TBC1D9B: variants seen among roughly 807,000 people sequenced by gnomAD.
The protein encoded by TBC1D9B is TBC1 domain family member 9B.
In TBC1D9B, 87 loss-of-function variants were observed where a neutral mutation model predicts 121.1. The observed-to-expected ratio is 0.72, with a 90% CI of 0.60 to 0.86. The LOEUF is 0.86. Ranked by LOEUF, TBC1D9B falls within the 40% of genes least tolerant of loss-of-function variation. The probability of loss-of-function intolerance (pLI) is 0.00; values close to 1 mark genes in which losing one functional copy is unlikely to be tolerated. For synonymous variants in TBC1D9B, 668 were observed against 670.1 expected (o/e 1.00, Z 0.05); for missense variants, 1,540 against 1,628.6 (o/e 0.95, Z 0.94).
At chr5:179,894,973 T>A (rs149197839) in intron 3 of TBC1D9B, among the ~76,000 whole-genome samples, 307 of 152,264 alleles carry the variant, frequency 2.0e-3, no homozygotes, top group African/African-American at 7.1e-3. Context: ...GCCATCCTCC[T>A]GCCTCAGCCT....
chr5:179,879,568 G>A (rs1051367051), intron 8 of TBC1D9B, 60 bp downstream of exon 8: 15 of 1,611,692 alleles, frequency 9.3e-6, no homozygotes, highest in Non-Finnish European at 1.0e-5. Context: ...ACTGGCTCCA[G>A]CTTTCCTCCT....
chr5:179,875,898 G>T lies in TBC1D9B; in HGVS notation c.1900+22C>A. The T allele has an allele frequency of 6.4e-7, 1 of 1,574,384 alleles. No homozygotes were observed. The highest frequency in any genetic ancestry group is 8.6e-7 in the Non-Finnish European group (1 of 1,158,444). The stretch of plus-strand genomic sequence containing the variant: ...AGCAGGCACCTGGAGACCCAGGCGA[G>T]GCAGCACCCGGGGACACTCACCCAC... On this transcript the variant is annotated intron_variant, in intron 11 of 20. Coordinates refer to ENST00000355235, the MANE Select transcript of TBC1D9B (RefSeq NM_015043.4). The surrounding 1 kb of genome is among the most constrained non-coding windows in gnomAD (Gnocchi z 4.5).
chr5:179,864,255 T>C, intron 20 of TBC1D9B, 127 bp from the exon 21 acceptor site: 2 of 938,566 alleles, frequency 2.1e-6, no homozygotes, highest in South Asian at 1.7e-5. Flanking sequence ...ATCATCTCCA[T>C]GAGCCTCATC....
intron 17 of TBC1D9B, 146 bp downstream of exon 17, chr5:179,869,623 G>A (rs779652823): frequency 1.0e-5 from 9 of 868,782 alleles, no homozygotes; most frequent in Non-Finnish European, 1.5e-5. Flanking sequence ...TCAAGCTCCC[G>A]CTCCCTCTCC....
chr5:179,867,450 G>T, intron 18 of TBC1D9B: 1 of 1,555,996 alleles, frequency 6.4e-7, no homozygotes, highest in Non-Finnish European at 8.7e-7. Context: ...CTGACCTTGA[G>T]CCTCCCAGGG....
chr5:179,892,758 C>T (rs949255225), intron 5 of TBC1D9B, among the ~76,000 whole-genome samples: 4 of 152,322 alleles, frequency 2.6e-5, no homozygotes, highest in South Asian at 2.1e-4. Flanking sequence ...CTGTCAATCA[C>T]GGTGGGACGG....
Position 179,873,203 on chromosome 5 carries a change from G to A in TBC1D9B, c.2232C>T (p.Ile744=), listed in dbSNP as rs1760256160. The A allele has an allele frequency of 6.2e-7, 1 of 1,613,182 alleles. No homozygotes were observed. The highest frequency in any genetic ancestry group is 8.5e-7 in the Non-Finnish European group (1 of 1,179,662). ...VVNKQSVSPP[I]PHLRALLSSS... ...TGCTCAGCAAGGCACGGAGGTGCGG[G>A]ATAGGAGGAGAGACACTCTGCTTGT... is the stretch of plus-strand genomic sequence containing the variant. Residue 744 remains isoleucine (I), a synonymous_variant, in exon 13 of 21, where the codon ATC becomes ATT. Coordinates refer to ENST00000355235, the MANE Select transcript of TBC1D9B (RefSeq NM_015043.4).
intron 2 of TBC1D9B, among the ~76,000 whole-genome samples, chr5:179,903,630 T>C (rs1423863209): frequency 6.6e-6 from 1 of 152,178 alleles, no homozygotes; most frequent in Non-Finnish European, 1.5e-5. Context: ...GATGCCTTAT[T>C]TAATACGTAT....
Position 179,894,542 on chromosome 5 carries a change from C to T in TBC1D9B, c.421G>A (p.Glu141Lys). The T allele has an allele frequency of 6.2e-7, 1 of 1,614,256 alleles. No homozygotes were observed. Among genetic ancestry groups the T allele is most frequent in the Non-Finnish European group, 8.5e-7 (1 of 1,180,042 alleles). Residue 141 changes from glutamate to lysine, a missense_variant, in exon 4 of 21, where the codon GAG becomes AAG. By Grantham distance (56) the Glu-to-Lys change is moderately conservative. Transcript: ENST00000355235. ...DEDPGKFKEA[E>K]LKMRKQFGMP... ...CCAAACTGCTTCCGCATCTTCAGCT[C>T]AGCCTCCTTGAACTTCCCGGGGTCC...
chr5:179,881,097 C>A (rs909707103), intron 7 of TBC1D9B, among the ~76,000 whole-genome samples: 13 of 152,090 alleles, frequency 8.5e-5, no homozygotes, highest in African/African-American at 2.9e-4. Flanking sequence ...GGCGTGCAGC[C>A]AACGTGTGCT....
At chr5:179,866,903 G>A (rs1185853147) in intron 18 of TBC1D9B, 1 of 154,376 alleles carries the variant, frequency 6.5e-6, no homozygotes, top group African/African-American at 2.4e-5. Context: ...GGTTTTGCAA[G>A]TGTGCTGCAT....
At chr5:179,889,637 G>A (rs982205977) in intron 6 of TBC1D9B, among the ~76,000 whole-genome samples, 21 of 152,070 alleles carry the variant, frequency 1.4e-4, no homozygotes, top group African/African-American at 3.6e-4. Flanking sequence ...CACTTTGGAC[G>A]GCTGAGGGAG....
At chr5:179,878,810 A>G (rs967650458) in intron 9 of TBC1D9B, among the ~76,000 whole-genome samples, 10 of 152,218 alleles carry the variant, frequency 6.6e-5, no homozygotes, top group Admixed American at 5.2e-4. Flanking sequence ...TGTGGGCGGG[A>G]GGGCACCACC....
In TBC1D9B at chr5:179,893,345, T is replaced by C. The variant is rs770717841; in HGVS notation, c.700A>G (p.Ile234Val). The stretch of plus-strand genomic sequence containing the variant: ...TCCATGAGCTTGAAGGTCTCGCCGA[T>C]GTTGAGGAACATGGAGAAGAAGAGC... ...QELFFSMFLN[I>V]GETFKLMEQL... Residue 234 changes from isoleucine to valine, a missense_variant, in exon 5 of 21, where the codon ATC becomes GTC. Coordinates refer to ENST00000355235, the MANE Select transcript of TBC1D9B (RefSeq NM_015043.4). 29 of 1,614,022 alleles carry C rather than the reference T, an allele frequency of 1.8e-5. No individual in the cohort carries two copies. The highest frequency in any genetic ancestry group is 2.0e-5 in the Non-Finnish European group (24 of 1,180,038).
chr5:179,877,070 CAAAA>C (rs58537646), intron 10 of TBC1D9B, among the ~76,000 whole-genome samples: 7 of 34,128 alleles, frequency 2.1e-4, no homozygotes, highest in South Asian at 1.2e-3. Flanking sequence ...GATCCTGTCT[CAAAA>C]AAAAAAAAAA....
At chr5:179,889,066 G>A (rs1378267913) in intron 6 of TBC1D9B, among the ~76,000 whole-genome samples, 1 of 151,654 alleles carries the variant, frequency 6.6e-6, no homozygotes, top group African/African-American at 2.4e-5. Flanking sequence ...GAGTCTCGCT[G>A]TCGCCCAGGC....
At chr5:179,870,563 G>C in intron 15 of TBC1D9B, 68 bp from the exon 16 acceptor site, 1 of 1,512,914 alleles carries the variant, frequency 6.6e-7, no homozygotes, top group South Asian at 1.3e-5. Context: ...CCCTAGGCTG[G>C]TGGTGTGTCC....
chr5:179,871,729 C>T (rs566713994), intron 14 of TBC1D9B, 199 bp from the exon 15 acceptor site: 8 of 552,794 alleles, frequency 1.4e-5, no homozygotes, highest in Admixed American at 2.9e-5. Context: ...CCACTCAGCT[C>T]ACACTCCGGG....
Position 179,878,508 on chromosome 5 carries a change from A to G in TBC1D9B, c.1583T>C (p.Met528Thr). ...AGCATAGTACCCGGGGTGAGTCACC[A>G]TCTCATTCCAGGCCCCTGGGGAGAC... is the stretch of plus-strand genomic sequence containing the variant. ...WLLFSGAWNE[M>T]VTHPGYYAEL... The change falls in exon 10 of 21, where the codon ATG (methionine) becomes ACG (threonine). Residue 528 changes from methionine (M) to threonine (T), a missense_variant. Met to Thr is a moderately conservative substitution (Grantham distance 81, BLOSUM62 -1). Transcript: ENST00000355235. 1 of 1,605,188 alleles carries G rather than the reference A, an allele frequency of 6.2e-7. No individual in the cohort carries two copies. The highest frequency in any genetic ancestry group is 8.5e-7 in the Non-Finnish European group (1 of 1,175,586).
Sources: allele counts gnomAD v4.1 joint callset (sites outside exome capture counted in the v4.1 genomes callset), GRCh38; gene constraint gnomAD v4.1.1; non-coding constraint Gnocchi (gnomAD v3.1); transcripts MANE v1.5; gene names NCBI Gene and HGNC (gene_info 2026-07-23, HGNC 2026-07-21).